The following HOXC4 variants were observed in gnomAD, a reference collection of about 807,000 sequenced individuals.
HOXC4 encodes homeobox protein Hox-C4.
Under a neutral mutation model 25.5 loss-of-function variants are expected in HOXC4, and 15 were observed. The observed-to-expected ratio is 0.59, with a 90% confidence interval of 0.39 to 0.91. The LOEUF (loss-of-function observed/expected upper bound fraction) is 0.91, where lower values mean the gene tolerates loss of function less well. Among genes scored for constraint, HOXC4 ranks in the 40% least tolerant of loss-of-function variants. The probability of loss-of-function intolerance (pLI) is 0.00; values close to 1 mark genes in which losing one functional copy is unlikely to be tolerated. For missense variants in HOXC4, 342 were observed against 352.4 expected (o/e 0.97, Z 0.24); for synonymous variants, 165 against 148.0 (o/e 1.11, Z -0.83).
upstream of HOXC4, among the ~76,000 whole-genome samples, chr12:54,051,281 T>C (rs547219875): frequency 9.9e-5 from 15 of 151,614 alleles, no homozygotes; most frequent in African/African-American, 3.1e-4. Context: ...CCTCTCCACA[T>C]GGCACCAAAG....
rs1761041555 is a variant in HOXC4, at chr12:54,054,670, C to T, written c.440-180C>T. ...TCAGTGTCGTTACAATGAGGATTCC[C>T]CTCTTATTACACTACAAAGTCTTCA... On this transcript the variant is annotated intron_variant, in intron 1 of 1. Coordinates refer to ENST00000430889, the MANE Select transcript of HOXC4 (RefSeq NM_153633.3). 2.0e-5 allele frequency among the ~76,000 whole-genome samples: 3 copies of T among 152,034 alleles called. No homozygotes were observed. The South Asian group carries it at 6.2e-4, about 32-fold the overall frequency.
At chr12:54,048,453 T>C (rs544223997) in intron 1 of HOXC4, among the ~76,000 whole-genome samples, 13 of 152,254 alleles carry the variant, frequency 8.5e-5, no homozygotes, top group African/African-American at 3.1e-4. Flanking sequence ...TTATAAAATC[T>C]CCATCACCCC....
chr12:54,020,020 T>C (rs1406564221), intron 1 of HOXC4: 1 of 152,214 alleles, frequency 6.6e-6, no homozygotes, highest in Admixed American at 6.5e-5. Context: ...ACACCAACTC[T>C]CTGCTTCCCA....
Position 54,055,090 on chromosome 12 carries a change from C to G in HOXC4, c.680C>G (p.Pro227Arg), listed in dbSNP as rs781346002. 6.2e-7 allele frequency: 1 copy of G among 1,613,254 alleles called. No homozygotes were observed. The highest frequency in any genetic ancestry group is 8.5e-7 in the Non-Finnish European group (1 of 1,179,836). ...AACACCAAAGTCAGGTCAGCACCCC[C>G]GGCCGGCGCTGCGCCCAGCACCCTT... ...LPNTKVRSAP[P>R]AGAAPSTLSA... Residue 227 changes from proline (P) to arginine (R), a missense_variant, in exon 2 of 2, where the codon CCG (proline) becomes CGG (arginine). Coordinates refer to ENST00000430889, the MANE Select transcript of HOXC4 (RefSeq NM_153633.3).
intron 1 of HOXC4, among the ~76,000 whole-genome samples, chr12:54,031,300 A>C (rs1378100258): frequency 6.6e-6 from 1 of 152,218 alleles, no homozygotes; most frequent in Non-Finnish European, 1.5e-5. Flanking sequence ...GGCTGTTGCG[A>C]AACGTAGCGG....
chr12:54,041,674 C>G (rs1941274990), intron 1 of HOXC4, among the ~76,000 whole-genome samples: 1 of 152,214 alleles, frequency 6.6e-6, no homozygotes, highest in African/African-American at 2.4e-5. Flanking sequence ...TTCAACCACA[C>G]TGCTCCATCT....
intron 1 of HOXC4, among the ~76,000 whole-genome samples, chr12:54,039,368 G>A (rs1402340773): frequency 1.3e-5 from 2 of 152,134 alleles, no homozygotes; most frequent in Non-Finnish European, 2.9e-5. Context: ...AGGGGGCACA[G>A]AGGCCCAAAT....
chr12:54,054,887 G>T lies in HOXC4; in HGVS notation c.477G>T (p.Ser159=). 2 of 1,612,508 alleles carry T rather than the reference G, an allele frequency of 1.2e-6. No homozygotes were observed. The highest frequency in any genetic ancestry group is 8.5e-7 in the Non-Finnish European group (1 of 1,178,774). The change falls in exon 2 of 2, where the codon TCG becomes TCT. Residue 159 remains serine (S), a synonymous_variant. Transcript: ENST00000430889. ...PNYNGGEPKR[S]RTAYTRQQVL... ...ATAACGGAGGGGAACCCAAGCGCTCGAGGACAGCCTATACCCGGCAGCAAG... is the reference window on the plus strand; with the variant it reads ...ATAACGGAGGGGAACCCAAGCGCTCTAGGACAGCCTATACCCGGCAGCAAG...
At chr12:54,043,102 G>A (rs149454782) in intron 1 of HOXC4, among the ~76,000 whole-genome samples, 1 of 152,322 alleles carries the variant, frequency 6.6e-6, no homozygotes, top group East Asian at 1.9e-4. Flanking sequence ...ACTCGGTTAT[G>A]CAGGACCTTG....
intron 1 of HOXC4, among the ~76,000 whole-genome samples, chr12:54,025,426 C>G (rs1168256264): frequency 6.6e-6 from 1 of 151,774 alleles, no homozygotes; most frequent in Non-Finnish European, 1.5e-5. Flanking sequence ...CTGACCTGCT[C>G]TCCCCCCTTG....
chr12:54,030,281 A>T (rs1940933118), intron 1 of HOXC4: 1 of 192,518 alleles, frequency 5.2e-6, no homozygotes, highest in Non-Finnish European at 1.1e-5. Context: ...CCAAGTGAGG[A>T]CTTGGCTCCC....
chr12:54,024,888 G>A (rs1940622416), intron 1 of HOXC4, among the ~76,000 whole-genome samples: 1 of 152,246 alleles, frequency 6.6e-6, no homozygotes, highest in African/African-American at 2.4e-5. Flanking sequence ...GCTATCAAAA[G>A]CATGTGTTTT....
At chr12:54,049,278 T>C (rs1475834591), upstream of HOXC4, among the ~76,000 whole-genome samples, 1 of 152,192 alleles carries the variant, frequency 6.6e-6, no homozygotes, top group East Asian at 1.9e-4. Flanking sequence ...TCAATGGAGT[T>C]TCCCCATCAA....
At chr12:54,039,619 C>T (rs983184695) in intron 1 of HOXC4, among the ~76,000 whole-genome samples, 10 of 152,048 alleles carry the variant, frequency 6.6e-5, no homozygotes, top group African/African-American at 1.2e-4. Flanking sequence ...CCTCATTACC[C>T]GTCCTTCTTG....
chr12:54,047,809 A>C (rs1937752474), intron 1 of HOXC4: 1 of 152,314 alleles, frequency 6.6e-6, no homozygotes, highest in African/African-American at 2.4e-5. Context: ...CCAGACCCTG[A>C]AGCCTCCGAT....
chr12:54,029,034 GCTCGT>G (rs1162672829), intron 1 of HOXC4: 2 of 1,037,924 alleles, frequency 1.9e-6, no homozygotes, highest in South Asian at 1.6e-5. Context: ...AAACAATCAC[GCTCGT>G]CTCCTCACCG....
chr12:54,020,786 G>A (rs921837687), intron 1 of HOXC4: 1 of 152,092 alleles, frequency 6.6e-6, no homozygotes, highest in Non-Finnish European at 1.5e-5. Flanking sequence ...CGGAGTATGC[G>A]GGTTCCAGTA....
intron 1 of HOXC4, chr12:54,028,573 C>A (rs1397781457): frequency 6.2e-7 from 1 of 1,614,116 alleles, no homozygotes; most frequent in Admixed American, 1.7e-5. Flanking sequence ...CGCCGGGGGC[C>A]AGGACGTCCT....
intron 1 of HOXC4, chr12:54,030,545 C>G (rs924079329): frequency 3.9e-5 from 6 of 152,690 alleles, no homozygotes; most frequent in African/African-American, 1.4e-4. Context: ...TGGCATTTTA[C>G]AAACTGTGAC....
Sources: gnomAD v4.1 joint callset for allele counts (sites outside exome capture counted in the v4.1 genomes callset) on GRCh38, gnomAD v4.1.1 for gene constraint, MANE v1.5 for transcripts, NCBI Gene and HGNC (gene_info 2026-07-23, HGNC 2026-07-21) for gene names.